CCDC178: variants seen among roughly 807,000 people sequenced by gnomAD.
CCDC178 encodes the protein coiled-coil domain containing 178.
In CCDC178, 126 loss-of-function variants were observed where a neutral mutation model predicts 117.4. The ratio of observed to expected loss-of-function variants is 1.07; its 90% CI spans 0.93 to 1.24. The LOEUF (loss-of-function observed/expected upper bound fraction) is 1.24. Ranked by LOEUF, CCDC178 falls within the 50% of genes most tolerant of loss-of-function variation. CCDC178 has a pLI of 0.00. For missense variants in CCDC178, 1,030 were observed against 986.9 expected (o/e 1.04, Z -0.59); for synonymous variants, 283 against 313.4 (o/e 0.90, Z 1.02).
intron 20 of CCDC178, among the ~76,000 whole-genome samples, chr18:33,112,197 T>C (rs966254773): frequency 3.3e-5 from 5 of 151,806 alleles, no homozygotes; most frequent in African/African-American, 9.7e-5. Flanking sequence ...AGTTTTATTC[T>C]AAACAAAGCT....
chr18:33,254,704 A>C (rs925140193), intron 14 of CCDC178, among the ~76,000 whole-genome samples: 2 of 152,072 alleles, frequency 1.3e-5, no homozygotes, highest in Non-Finnish European at 2.9e-5. Flanking sequence ...AAACATGCTG[A>C]AGAAGAAGAC....
At chr18:33,067,550 T>C (rs1235444022) in intron 21 of CCDC178, among the ~76,000 whole-genome samples, 2 of 152,096 alleles carry the variant, frequency 1.3e-5, no homozygotes, top group African/African-American at 4.8e-5. Context: ...AAAATCAATA[T>C]AAAGAATTAA....
intron 15 of CCDC178, among the ~76,000 whole-genome samples, chr18:33,233,194 G>A (rs2144655827): frequency 6.6e-6 from 1 of 152,190 alleles, no homozygotes; most frequent in East Asian, 1.9e-4. Context: ...CTTTCTTAAA[G>A]TTGTATTTTT....
At chr18:33,395,486 C>T (rs1053860115) in intron 4 of CCDC178, among the ~76,000 whole-genome samples, 3 of 152,008 alleles carry the variant, frequency 2.0e-5, no homozygotes, top group African/African-American at 7.2e-5. Flanking sequence ...GACATTTTCT[C>T]TGAGTATACA....
chr18:33,440,578 G>C (rs1423901740), intron 1 of CCDC178, 75 bp downstream of exon 1: 1 of 151,862 alleles, frequency 6.6e-6, no homozygotes, highest in East Asian at 1.9e-4. Context: ...CGGCCAGGGG[G>C]AGTGGGCGCC....
At chr18:33,083,729 T>G (rs1278033307) in intron 21 of CCDC178, among the ~76,000 whole-genome samples, 1 of 152,222 alleles carries the variant, frequency 6.6e-6, no homozygotes, top group Admixed American at 6.5e-5. Flanking sequence ...GTAAAAATAT[T>G]AAGTTCATGT....
At chr18:33,225,745 T>C (rs550086762) in intron 16 of CCDC178, among the ~76,000 whole-genome samples, 181 of 152,336 alleles carry the variant, frequency 1.2e-3, no homozygotes, top group African/African-American at 4.2e-3. Context: ...GGAAGTTTAG[T>C]GTTTTGAAAC....
intron 20 of CCDC178, among the ~76,000 whole-genome samples, chr18:33,168,704 C>T (rs964133884): frequency 2.0e-5 from 3 of 152,146 alleles, no homozygotes; most frequent in South Asian, 2.1e-4. Context: ...GTGTTTAACC[C>T]GAACTTACTT....
chr18:32,967,622 T>C (rs2054842756), intron 22 of CCDC178, among the ~76,000 whole-genome samples: 1 of 151,722 alleles, frequency 6.6e-6, no homozygotes, highest in Non-Finnish European at 1.5e-5. Flanking sequence ...AATAAAACCA[T>C]TTACAGTTAT....
At chr18:33,186,772 A>T (rs1054332741) in intron 20 of CCDC178, among the ~76,000 whole-genome samples, 1 of 149,000 alleles carries the variant, frequency 6.7e-6, no homozygotes, top group African/African-American at 2.5e-5. Context: ...CTTTTCCAGA[A>T]CCTCTTTCCC....
intron 20 of CCDC178, among the ~76,000 whole-genome samples, chr18:33,141,130 C>A (rs193069021): frequency 1.4e-4 from 22 of 152,172 alleles, no homozygotes; most frequent in Non-Finnish European, 3.1e-4. Flanking sequence ...GTCAATTAAA[C>A]CTCTTTTTTA....
chr18:33,026,166 T>G (rs78702805), intron 21 of CCDC178, among the ~76,000 whole-genome samples: 1 of 152,088 alleles, frequency 6.6e-6, no homozygotes, highest in Non-Finnish European at 1.5e-5. Flanking sequence ...GAAAAAATTA[T>G]GCAAATGAAG....
At chr18:33,181,669 C>T (rs1422429156) in intron 20 of CCDC178, among the ~76,000 whole-genome samples, 2 of 151,748 alleles carry the variant, frequency 1.3e-5, no homozygotes, top group African/African-American at 4.8e-5. Context: ...TGGTGCTTGA[C>T]GGCTTTCAAC....
At chr18:33,062,837 C>T (rs894725962) in intron 21 of CCDC178, among the ~76,000 whole-genome samples, 3 of 152,166 alleles carry the variant, frequency 2.0e-5, no homozygotes, top group Non-Finnish European at 4.4e-5. Flanking sequence ...ACGAGCCTCA[C>T]TGATATCTCC....
intron 20 of CCDC178, among the ~76,000 whole-genome samples, chr18:33,119,788 A>T (rs2057910820): frequency 6.6e-6 from 1 of 152,212 alleles, no homozygotes; most frequent in Non-Finnish European, 1.5e-5. Flanking sequence ...ACCAATCCAC[A>T]TGTCCATCAA....
chr18:33,076,589 A>G (rs2145016610), intron 21 of CCDC178, among the ~76,000 whole-genome samples: 1 of 152,230 alleles, frequency 6.6e-6, no homozygotes, highest in Non-Finnish European at 1.5e-5. Context: ...ACTTTGTGTG[A>G]TATATTTGTC....
rs542359437 is a variant in CCDC178 at position 33,224,684 on chromosome 18, T to C, written c.1818+91A>G. 11 of 850,540 alleles carry C rather than the reference T, an allele frequency of 1.3e-5. No individual in the cohort carries two copies. The South Asian group carries it at 1.5e-4, about 11-fold the overall frequency. 52.7% of individuals were successfully genotyped at this position (850,540 alleles called of 1,614,324 possible). A position where few individuals can be genotyped will look rare whatever the true frequency, so the allele number is the denominator to read the frequency against. ...CTTAGTTTGCCCCTATGTGAAATCATAATTTCCCAAATGATAATGTAAAAT... is the reference window on the plus strand; with the variant it reads ...CTTAGTTTGCCCCTATGTGAAATCACAATTTCCCAAATGATAATGTAAAAT... On this transcript the variant is annotated intron_variant, in intron 17 of 22. Coordinates refer to ENST00000383096, the MANE Select transcript of CCDC178 (RefSeq NM_001105528.4).
chr18:33,128,910 T>C (rs575314680), intron 20 of CCDC178, among the ~76,000 whole-genome samples: 13 of 152,218 alleles, frequency 8.5e-5, no homozygotes, highest in African/African-American at 2.9e-4. Flanking sequence ...CTAAATGAAG[T>C]CATCAGTAAC....
At chr18:33,280,956 G>A (rs1255429174) in intron 12 of CCDC178, among the ~76,000 whole-genome samples, 2 of 152,090 alleles carry the variant, frequency 1.3e-5, no homozygotes, top group Non-Finnish European at 2.9e-5. Context: ...ACTGTTGTGG[G>A]GTGGGGCGCG....
Sources: allele counts gnomAD v4.1 joint callset (sites outside exome capture counted in the v4.1 genomes callset), GRCh38; gene constraint gnomAD v4.1.1; transcripts MANE v1.5; gene names NCBI Gene and HGNC (gene_info 2026-07-23, HGNC 2026-07-21).